The following CHRM3 variants were observed in gnomAD, a reference collection of about 807,000 sequenced individuals.
CHRM3 encodes muscarinic acetylcholine receptor M3.
In CHRM3, 11 loss-of-function variants were observed where a neutral mutation model predicts 41.8. The observed-to-expected ratio is 0.26, with a 90% confidence interval of 0.17 to 0.44. The LOEUF is 0.44. Ranked by LOEUF, CHRM3 falls within the 20% of genes least tolerant of loss-of-function variation. The pLI is 1.00. For missense variants in CHRM3, 571 were observed against 745.4 expected (o/e 0.77, Z 2.72); for synonymous variants, 297 against 301.4 (o/e 0.99, Z 0.15).
chr1:239,691,861 A>AT (rs1199197284), intron 5 of CHRM3, among the ~76,000 whole-genome samples: 2 of 152,184 alleles, frequency 1.3e-5, no homozygotes, highest in Non-Finnish European at 2.9e-5. Context: ...CCATTTGAGA[A>AT]TCCCCCCTAA....
chr1:239,679,023 A>AGATG (rs1658285996), intron 5 of CHRM3, among the ~76,000 whole-genome samples: 1 of 117,442 alleles, frequency 8.5e-6, no homozygotes, highest in Non-Finnish European at 1.8e-5. Flanking sequence ...ATAGGTAGAT[A>AGATG]GATGGATAGA....
intron 5 of CHRM3, among the ~76,000 whole-genome samples, chr1:239,789,508 AC>A (rs1218295915): frequency 6.6e-6 from 1 of 152,200 alleles, no homozygotes; most frequent in Non-Finnish European, 1.5e-5. Context: ...TGTGGCACCA[AC>A]ATCTGCTTCT....
intron 1 of CHRM3, among the ~76,000 whole-genome samples, chr1:239,429,942 A>G (rs994029806): frequency 1.3e-4 from 19 of 148,844 alleles, no homozygotes; most frequent in South Asian, 8.7e-4. Flanking sequence ...TGTAAAAACC[A>G]TTTGACTCAG....
chr1:239,510,806 G>A (rs187474931), intron 2 of CHRM3, among the ~76,000 whole-genome samples: 4 of 152,144 alleles, frequency 2.6e-5, no homozygotes, highest in Non-Finnish European at 4.4e-5. Context: ...AAAGTGCTGG[G>A]ATTACAGGCA....
At chr1:239,639,580 A>G (rs1241751965) in intron 4 of CHRM3, among the ~76,000 whole-genome samples, 1 of 151,728 alleles carries the variant, frequency 6.6e-6, no homozygotes, top group Non-Finnish European at 1.5e-5. Flanking sequence ...TTATTGGTGT[A>G]TAAGAATGCT....
At chr1:239,733,048 G>A (rs1177501666) in intron 5 of CHRM3, among the ~76,000 whole-genome samples, 1 of 152,032 alleles carries the variant, frequency 6.6e-6, no homozygotes, top group East Asian at 1.9e-4. Flanking sequence ...TCTTAGAAGT[G>A]CTATTTTCCC....
chr1:239,897,099 C>A (rs1679067304), intron 6 of CHRM3, among the ~76,000 whole-genome samples: 1 of 152,138 alleles, frequency 6.6e-6, no homozygotes, highest in African/African-American at 2.4e-5. Context: ...GCCCACGTGG[C>A]AGAATCGGGT....
At chr1:239,770,472 C>T (rs1667571463) in intron 5 of CHRM3, among the ~76,000 whole-genome samples, 2 of 152,172 alleles carry the variant, frequency 1.3e-5, no homozygotes, top group African/African-American at 4.8e-5. Flanking sequence ...AATATATGCC[C>T]TCCTATGAAG....
chr1:239,667,213 T>C (rs1370216189), intron 4 of CHRM3, among the ~76,000 whole-genome samples: 2 of 152,150 alleles, frequency 1.3e-5, no homozygotes, highest in East Asian at 1.9e-4. Context: ...CACAGATTTA[T>C]TTACTACAGT....
chr1:239,404,576 T>C (rs761566994), intron 1 of CHRM3, among the ~76,000 whole-genome samples: 57 of 150,824 alleles, frequency 3.8e-4, no homozygotes, highest in Non-Finnish European at 6.2e-4. Context: ...ATGAGTCGTA[T>C]TCAACTTGAG....
chr1:239,606,639 C>T (rs1044413630), intron 3 of CHRM3, among the ~76,000 whole-genome samples: 6 of 152,072 alleles, frequency 3.9e-5, no homozygotes, highest in African/African-American at 1.4e-4. Context: ...CTCTGTGTTG[C>T]CCCAATAATT....
chr1:239,584,865 CTG>C, intron 3 of CHRM3, among the ~76,000 whole-genome samples: 1 of 152,036 alleles, frequency 6.6e-6, no homozygotes, highest in Non-Finnish European at 1.5e-5. Flanking sequence ...CACACATAAA[CTG>C]TAGTTCTTCC....
intron 5 of CHRM3, chr1:239,705,750 T>C (rs796265737): frequency 5.9e-5 from 9 of 152,234 alleles, no homozygotes; most frequent in African/African-American, 2.2e-4. Flanking sequence ...AAATGACGTT[T>C]AGGCTGGCAG....
chr1:239,583,848 T>C (rs558901386), intron 3 of CHRM3, among the ~76,000 whole-genome samples: 53 of 152,240 alleles, frequency 3.5e-4, no homozygotes, highest in African/African-American at 1.3e-3. Context: ...TTTGCAAAAC[T>C]CTTGTGACTA....
chr1:239,712,945 C>T (rs765019616), intron 5 of CHRM3, among the ~76,000 whole-genome samples: 5 of 152,090 alleles, frequency 3.3e-5, no homozygotes, highest in East Asian at 1.9e-4. Context: ...TATGATACAG[C>T]GACAAGTTAA....
chr1:239,836,664 A>G (rs1673344562), intron 6 of CHRM3, among the ~76,000 whole-genome samples: 1 of 152,140 alleles, frequency 6.6e-6, no homozygotes, highest in Admixed American at 6.6e-5. Flanking sequence ...TAACAAAAGG[A>G]AAGTTTTGTC....
intron 1 of CHRM3, among the ~76,000 whole-genome samples, chr1:239,446,467 TATGTGATC>T (rs1428828852): frequency 6.6e-6 from 1 of 152,216 alleles, no homozygotes; most frequent in Admixed American, 6.5e-5. Context: ...GTGATCAATG[TATGTGATC>T]ATTTACTAAA....
Position 239,511,191 on chromosome 1 carries a change from T to C in CHRM3, c.-422+18384T>C, listed in dbSNP as rs1572550616. On this transcript the variant is annotated intron_variant, in intron 2 of 6. Transcript: ENST00000676153. The stretch of plus-strand genomic sequence containing the variant: ...ATCGAATTGATTGCATGTCGTCTTA[T>C]TTTATTAACAACTGTGAAGACCAGC... 1.3e-5 allele frequency among the ~76,000 whole-genome samples: 2 copies of C among 152,366 alleles called. 1 individual carries two copies. The highest frequency in any genetic ancestry group is 3.9e-4 in the East Asian group (2 of 5,192).
chr1:239,731,236 A>T lies in CHRM3; in HGVS notation c.-147+52948A>T, dbSNP rs61834841. Reference sequence around the variant, plus strand: ...TTAGGTAAGAAAAACGCAGAGGCTAAAAATAGAGATCCAGGAGTCATCACT... The same window carrying T: ...TTAGGTAAGAAAAACGCAGAGGCTATAAATAGAGATCCAGGAGTCATCACT... On this transcript the variant is annotated intron_variant, in intron 5 of 6. Transcript: ENST00000676153. Among the ~76,000 whole-genome samples the T allele has an allele frequency of 3.3e-3, 506 of 152,062 alleles. 3 individuals carry two copies. Among genetic ancestry groups the T allele is most frequent in the Admixed American group, 4.9e-3 (74 of 15,244 alleles).
Sources: allele counts gnomAD v4.1 joint callset (sites outside exome capture counted in the v4.1 genomes callset), GRCh38; gene constraint gnomAD v4.1.1; transcripts MANE v1.5; gene names NCBI Gene and HGNC (gene_info 2026-07-23, HGNC 2026-07-21).